LYSMD3: variants seen among roughly 807,000 people sequenced by gnomAD.
The protein encoded by LYSMD3 is LysM domain containing 3, also known as lysM and putative peptidoglycan-binding domain-containing protein 3.
Under a neutral mutation model 26.1 loss-of-function variants are expected in LYSMD3, and 13 were observed. That is an observed-to-expected ratio of 0.50 (90% CI 0.32 to 0.79). The LOEUF is 0.79. Among genes scored for constraint, LYSMD3 ranks in the 30% least tolerant of loss-of-function variants. The pLI, the probability that LYSMD3 is intolerant of heterozygous loss-of-function variation, is 0.03. For synonymous variants in LYSMD3, 109 were observed against 119.4 expected (o/e 0.91, Z 0.57); for missense variants, 331 against 362.5 (o/e 0.91, Z 0.71).
In LYSMD3 at chr5:90,518,296, C is replaced by T. The variant is rs1303619051; in HGVS notation, c.*523G>A. Reference sequence around the variant, plus strand: ...AATTATAAATCACTTTCCCCTTTCTCTTTGTACGTATGCTTTCATAGCACA... The same window carrying T: ...AATTATAAATCACTTTCCCCTTTCTTTTTGTACGTATGCTTTCATAGCACA... On this transcript the variant is annotated 3_prime_UTR_variant, in exon 3 of 3. Coordinates refer to ENST00000315948, the MANE Select transcript of LYSMD3 (RefSeq NM_198273.2). The T allele has an allele frequency of 1.3e-5, 2 of 152,246 alleles. No homozygotes were observed. Among genetic ancestry groups the T allele is most frequent in the Non-Finnish European group, 2.9e-5 (2 of 68,078 alleles). 9.4% of individuals were successfully genotyped at this position (152,246 alleles called of 1,614,324 possible). A position where few individuals can be genotyped will look rare whatever the true frequency, so the allele number is the denominator to read the frequency against.
chr5:90,524,966 C>T, intron 2 of LYSMD3, 69 bp downstream of exon 2: 1 of 1,300,300 alleles, frequency 7.7e-7, no homozygotes, highest in South Asian at 1.5e-5. Flanking sequence ...AAAAAGGACA[C>T]AGAATTTATT....
chr5:90,518,040 TTCA>T lies in LYSMD3; in HGVS notation c.*776_*778del, dbSNP rs1752991772. On this transcript the variant is annotated 3_prime_UTR_variant, in exon 3 of 3. Coordinates refer to ENST00000315948, the MANE Select transcript of LYSMD3 (RefSeq NM_198273.2). ...GGTAATATGCACGTTTAATATATTT[TTCA>T]TCATCAAAACTACAAAAGTGCTTTC... 1 of 152,520 alleles carries T rather than the reference TTCA, an allele frequency of 6.6e-6. No individual in the cohort carries two copies. Among genetic ancestry groups the T allele is most frequent in the Non-Finnish European group, 1.5e-5 (1 of 67,956 alleles). 9.4% of individuals were successfully genotyped at this position (152,520 alleles called of 1,614,324 possible).
At chr5:90,524,963 A>G in intron 2 of LYSMD3, 72 bp downstream of exon 2, 1 of 1,282,596 alleles carries the variant, frequency 7.8e-7, no homozygotes. Context: ...GTAAAAAAGG[A>G]CACAGAATTT....
intron 1 of LYSMD3, among the ~76,000 whole-genome samples, chr5:90,525,859 C>T (rs1237492154): frequency 6.6e-6 from 1 of 152,116 alleles, no homozygotes; most frequent in East Asian, 1.9e-4. Context: ...TCACTAAACA[C>T]GTGGAGTAAT....
intron 2 of LYSMD3, among the ~76,000 whole-genome samples, chr5:90,519,797 C>A (rs1384913591): frequency 2.6e-5 from 4 of 151,916 alleles, no homozygotes; most frequent in African/African-American, 9.7e-5. Context: ...ATACCACAGT[C>A]CTTCTGCTTG....
In LYSMD3 at chr5:90,518,614, T is replaced by C. The variant is rs1020966690; in HGVS notation, c.*205A>G. The C allele has an allele frequency of 2.2e-6, 1 of 452,884 alleles. No homozygotes were observed. The highest frequency in any genetic ancestry group is 6.2e-5 in the South Asian group (1 of 16,024). 28.1% of individuals were successfully genotyped at this position (452,884 alleles called of 1,614,324 possible). On this transcript the variant is annotated 3_prime_UTR_variant, in exon 3 of 3. Transcript: ENST00000315948. ...TTTAAATTAATTTCTGCTTGAAACA[T>C]TCACACACCAGATTTATGGATCAAC...
rs936728356 is a variant in LYSMD3 at position 90,529,484 on chromosome 5, G to T, written c.-48C>A. 1.1e-5 allele frequency: 5 copies of T among 456,644 alleles called. No homozygotes were observed. Among genetic ancestry groups the T allele is most frequent in the African/African-American group, 8.0e-5 (4 of 50,174 alleles). The allele number at this position is 456,644 out of a possible 1,614,324, so 28.3% of individuals were successfully genotyped here. ...AGCAGGGAGCACTCTGCGAGAAGAT[G>T]GCCAAAAGGTCCGCCGCCGCCGCTG... is the stretch of plus-strand genomic sequence containing the variant. On this transcript the variant is annotated 5_prime_UTR_variant, in exon 1 of 3. Transcript: ENST00000315948.
At chr5:90,526,090 C>T (rs1185691434) in intron 1 of LYSMD3, among the ~76,000 whole-genome samples, 1 of 152,158 alleles carries the variant, frequency 6.6e-6, no homozygotes, top group African/African-American at 2.4e-5. Flanking sequence ...ACACATAATA[C>T]TTTCATGAAT....
chr5:90,524,661 C>G (rs947975136), intron 2 of LYSMD3, among the ~76,000 whole-genome samples: 3 of 152,172 alleles, frequency 2.0e-5, no homozygotes, highest in African/African-American at 7.2e-5. Context: ...GGCGCGATCT[C>G]GGCTCCTGCA....
intron 1 of LYSMD3, among the ~76,000 whole-genome samples, chr5:90,528,221 G>A (rs942935984): frequency 1.3e-5 from 2 of 151,962 alleles, no homozygotes; most frequent in African/African-American, 4.8e-5. Flanking sequence ...TTTTTCTGGG[G>A]AGAATTTTCA....
intron 1 of LYSMD3, 73 bp downstream of exon 1, chr5:90,529,375 C>T: frequency 4.4e-6 from 2 of 456,308 alleles, no homozygotes; most frequent in South Asian, 3.1e-5. Flanking sequence ...CAGCGCCTCC[C>T]GTGAGGACGC....
Position 90,519,493 on chromosome 5 carries a change from G to GT in LYSMD3, c.256-10_256-9insA, listed in dbSNP as rs776184984. 1 of 1,541,754 alleles carries GT rather than the reference G, an allele frequency of 6.5e-7. No individual in the cohort carries two copies. Among genetic ancestry groups the GT allele is most frequent in the Non-Finnish European group, 8.7e-7 (1 of 1,149,630 alleles). On this transcript the variant is annotated splice_polypyrimidine_tract_variant and intron_variant, in intron 2 of 2. Coordinates refer to ENST00000315948, the MANE Select transcript of LYSMD3 (RefSeq NM_198273.2). ...CTCTTGATATCTGCTACCTGTGGGG[G>GT]GGAAAAAAAAGCAACATACAACTGA... is the stretch of plus-strand genomic sequence containing the variant.
chr5:90,527,401 T>C (rs1371255488), intron 1 of LYSMD3, among the ~76,000 whole-genome samples: 2 of 138,424 alleles, frequency 1.4e-5, no homozygotes, highest in Non-Finnish European at 3.1e-5. Context: ...TTTTTCACTG[T>C]ATTAATGGTA....
Position 90,519,328 on chromosome 5 carries a change from A to G in LYSMD3, c.412T>C (p.Ser138Pro). ...GGCAAAATTTCCTGTTGTTCGGAAG[A>G]GTATTGAACAGATGAATGACGTGAA... ...QTSRHSSVQYSSEQQEILPAN... is the reference protein window; with the variant it reads ...QTSRHSSVQYPSEQQEILPAN... Residue 138 changes from serine to proline, a missense_variant, in exon 3 of 3, where the codon TCT becomes CCT. By Grantham distance (74) the Ser-to-Pro change is moderately conservative (BLOSUM62 -1). This residue lies in a region of LYSMD3 where 262 missense variants were observed against 267.3 expected (regional missense o/e 0.98). Transcript: ENST00000315948. 6.2e-7 allele frequency: 1 copy of G among 1,614,124 alleles called. No homozygotes were observed. Among genetic ancestry groups the G allele is most frequent in the Non-Finnish European group, 8.5e-7 (1 of 1,180,002 alleles).
intron 2 of LYSMD3, among the ~76,000 whole-genome samples, chr5:90,522,197 G>A (rs1254688763): frequency 2.6e-5 from 4 of 152,100 alleles, no homozygotes; most frequent in African/African-American, 7.2e-5. Flanking sequence ...TCCCTCACTC[G>A]CTCTTCTTCC....
chr5:90,520,500 T>C (rs1753064951), intron 2 of LYSMD3: 1 of 456,118 alleles, frequency 2.2e-6, no homozygotes, highest in Admixed American at 2.4e-5. Context: ...AGATTTTAGA[T>C]ATGCTGACTT....
At chr5:90,519,630 AT>A in intron 2 of LYSMD3, 146 bp from the exon 3 acceptor site, 1 of 781,802 alleles carries the variant, frequency 1.3e-6, no homozygotes, top group Non-Finnish European at 2.0e-6. Flanking sequence ...TTTTAATTTT[AT>A]TTGTAGATGA....
In LYSMD3 at chr5:90,517,639, A is replaced by G. The variant is rs1333238018; in HGVS notation, c.*1180T>C. 6.6e-6 allele frequency: 1 copy of G among 152,062 alleles called. No individual in the cohort carries two copies. Among genetic ancestry groups the G allele is most frequent in the Non-Finnish European group, 1.5e-5 (1 of 67,920 alleles). The allele number at this position is 152,062 out of a possible 1,614,324, so 9.4% of individuals were successfully genotyped here. A position where few individuals can be genotyped will look rare whatever the true frequency, so the allele number is the denominator to read the frequency against. ...CCTTTGTTTCCCAATTTGATGCTAT[A>G]TATAGAGATCAGGAAAAAAGTCTAA... On this transcript the variant is annotated 3_prime_UTR_variant, in exon 3 of 3. Coordinates refer to ENST00000315948, the MANE Select transcript of LYSMD3 (RefSeq NM_198273.2).
intron 1 of LYSMD3, among the ~76,000 whole-genome samples, chr5:90,527,565 T>C (rs1172607993): frequency 6.6e-6 from 1 of 152,214 alleles, no homozygotes; most frequent in Non-Finnish European, 1.5e-5. Context: ...GTGACACTTT[T>C]ACCTGCTGAT....
Sources: allele counts gnomAD v4.1 joint callset (sites outside exome capture counted in the v4.1 genomes callset), GRCh38; gene constraint gnomAD v4.1.1; regional missense constraint gnomAD v4.1.1; transcripts MANE v1.5; gene names NCBI Gene and HGNC (gene_info 2026-07-23, HGNC 2026-07-21).